The following HCN1 variants were observed in gnomAD, a reference collection of about 807,000 sequenced individuals.
The protein encoded by HCN1 is hyperpolarization activated cyclic nucleotide gated potassium channel 1.
Under a neutral mutation model 78.9 loss-of-function variants are expected in HCN1, and 13 were observed. The observed-to-expected ratio is 0.16, with a 90% CI of 0.11 to 0.26. The LOEUF (loss-of-function observed/expected upper bound fraction) is 0.26, where lower values mean the gene tolerates loss of function less well. Among genes scored for constraint, HCN1 ranks in the 10% least tolerant of loss-of-function variants. HCN1 has a pLI of 1.00. For synonymous variants in HCN1, 552 were observed against 455.5 expected (o/e 1.21, Z -2.70); for missense variants, 810 against 1,154.3 (o/e 0.70, Z 4.32).
intron 1 of HCN1, among the ~76,000 whole-genome samples, chr5:45,669,547 A>G (rs1479305849): frequency 2.0e-5 from 3 of 151,848 alleles, no homozygotes; most frequent in Non-Finnish European, 2.9e-5. Context: ...CTGAACCTAT[A>G]GAGGAACATG....
At chr5:45,593,394 C>A (rs911469427) in intron 2 of HCN1, among the ~76,000 whole-genome samples, 5 of 151,018 alleles carry the variant, frequency 3.3e-5, no homozygotes, top group African/African-American at 1.2e-4. Context: ...ATGCAGGACA[C>A]AGTGTGCTAC....
chr5:45,551,920 A>G (rs1743378171), intron 2 of HCN1, among the ~76,000 whole-genome samples: 1 of 152,002 alleles, frequency 6.6e-6, no homozygotes, highest in Non-Finnish European at 1.5e-5. Context: ...TAATAGATTA[A>G]GATGCACAAT....
chr5:45,431,797 C>T (rs547210297), intron 3 of HCN1, among the ~76,000 whole-genome samples: 16 of 152,100 alleles, frequency 1.1e-4, no homozygotes, highest in African/African-American at 2.4e-4. Context: ...GTCTATGTAC[C>T]TTTTTTTGTA....
intron 2 of HCN1, among the ~76,000 whole-genome samples, chr5:45,468,815 T>G (rs1245050737): frequency 1.3e-5 from 2 of 152,080 alleles, no homozygotes; most frequent in Non-Finnish European, 2.9e-5. Context: ...GTACAAACTT[T>G]GAAATCTGTC....
chr5:45,492,531 T>TC (rs1169244531), intron 2 of HCN1, among the ~76,000 whole-genome samples: 1 of 145,496 alleles, frequency 6.9e-6, no homozygotes, highest in African/African-American at 2.5e-5. Context: ...TTTTTTTTTT[T>TC]TTTTTTGAGA....
At chr5:45,692,342 C>T (rs1463238615) in intron 1 of HCN1, among the ~76,000 whole-genome samples, 2 of 152,076 alleles carry the variant, frequency 1.3e-5, no homozygotes, top group Non-Finnish European at 2.9e-5. Flanking sequence ...CATATTTAAC[C>T]TCCAAATTAA....
chr5:45,280,159 T>C (rs1745130503), intron 6 of HCN1, among the ~76,000 whole-genome samples: 1 of 152,068 alleles, frequency 6.6e-6, no homozygotes, highest in Admixed American at 6.6e-5. Context: ...ACTAGCAAAA[T>C]ATAACTAAAA....
chr5:45,287,546 G>T (rs1215252689), intron 6 of HCN1, among the ~76,000 whole-genome samples: 1 of 151,992 alleles, frequency 6.6e-6, no homozygotes, highest in African/African-American at 2.4e-5. Flanking sequence ...GTTGTTTGAA[G>T]AGTTTGGATT....
intron 2 of HCN1, among the ~76,000 whole-genome samples, chr5:45,549,069 G>A (rs1348289835): frequency 6.6e-6 from 1 of 151,588 alleles, no homozygotes; most frequent in African/African-American, 2.4e-5. Flanking sequence ...TGGCCATACT[G>A]CCCAAGGTAA....
chr5:45,492,455 A>G (rs1331747472), intron 2 of HCN1, among the ~76,000 whole-genome samples: 1 of 141,642 alleles, frequency 7.1e-6, no homozygotes, highest in African/African-American at 2.6e-5. Context: ...TTTCTTATCC[A>G]TGCTCGTCAA....
chr5:45,457,315 T>C (rs1031733034), intron 3 of HCN1, among the ~76,000 whole-genome samples: 4 of 152,102 alleles, frequency 2.6e-5, no homozygotes, highest in Non-Finnish European at 4.4e-5. Context: ...CAAAAACCCA[T>C]TACTCCCAAT....
intron 2 of HCN1, among the ~76,000 whole-genome samples, chr5:45,503,026 T>G (rs538793752): frequency 4.6e-5 from 7 of 152,300 alleles, no homozygotes; most frequent in East Asian, 3.9e-4. Flanking sequence ...ACAAATAAAT[T>G]AATGGGAAGA....
At chr5:45,556,890 C>CA (rs369252370) in intron 2 of HCN1, among the ~76,000 whole-genome samples, 9 of 151,928 alleles carry the variant, frequency 5.9e-5, no homozygotes, top group African/African-American at 1.7e-4. Flanking sequence ...AGATGGAGTT[C>CA]ATCTTTTGGA....
chr5:45,352,441 G>T (rs1441044568), intron 5 of HCN1, among the ~76,000 whole-genome samples: 1 of 151,956 alleles, frequency 6.6e-6, no homozygotes, highest in Non-Finnish European at 1.5e-5. Flanking sequence ...GAGTTAATGG[G>T]TGCAGCACAC....
Position 45,312,688 on chromosome 5 carries a change from G to C in HCN1, c.1378-8849C>G, listed in dbSNP as rs558980840. Among the ~76,000 whole-genome samples the C allele has an allele frequency of 3.9e-5, 6 of 152,332 alleles. No individual in the cohort carries two copies. The East Asian group carries it at 1.2e-3, about 29-fold the overall frequency. ...CACCCTAATACTGCACTTTTCCAAT[G>C]GTCTTAGCAAACGGCACACCAGGAG... On this transcript the variant is annotated intron_variant, in intron 5 of 7. Coordinates refer to ENST00000303230, the MANE Select transcript of HCN1 (RefSeq NM_021072.4).
chr5:45,372,966 G>C (rs1249946271), intron 4 of HCN1, among the ~76,000 whole-genome samples: 2 of 122,496 alleles, frequency 1.6e-5, no homozygotes, highest in Admixed American at 1.7e-4. Context: ...ATACATAAAA[G>C]ATATAAAATA....
intron 6 of HCN1, among the ~76,000 whole-genome samples, chr5:45,281,642 C>T (rs1265463601): frequency 8.1e-6 from 1 of 122,906 alleles, no homozygotes; most frequent in South Asian, 2.6e-4. Flanking sequence ...GGCTGGAGTG[C>T]AGTGGCATGA....
At chr5:45,612,849 T>C (rs1579999144) in intron 2 of HCN1, among the ~76,000 whole-genome samples, 1 of 152,200 alleles carries the variant, frequency 6.6e-6, no homozygotes, top group Admixed American at 6.5e-5. Context: ...ATTATTGTAT[T>C]CCAGAGAAAC....
At chr5:45,438,058 T>C (rs1325881880) in intron 3 of HCN1, among the ~76,000 whole-genome samples, 1 of 152,178 alleles carries the variant, frequency 6.6e-6, no homozygotes, top group Non-Finnish European at 1.5e-5. Context: ...ATCTCATAAG[T>C]GACATATCAT....
Sources: gnomAD v4.1 joint callset for allele counts (sites outside exome capture counted in the v4.1 genomes callset) on GRCh38, gnomAD v4.1.1 for gene constraint, MANE v1.5 for transcripts, NCBI Gene and HGNC (gene_info 2026-07-23, HGNC 2026-07-21) for gene names.